THRB: variants seen among roughly 807,000 people sequenced by gnomAD.
THRB encodes the protein nuclear receptor subfamily 1 group A member 2.
In THRB, 12 loss-of-function variants were observed where a neutral mutation model predicts 47.8. The ratio of observed to expected loss-of-function variants is 0.25; its 90% CI spans 0.16 to 0.41. The LOEUF (loss-of-function observed/expected upper bound fraction) is 0.41. Ranked by LOEUF, THRB falls within the 10% of genes least tolerant of loss-of-function variation. The pLI, the probability that THRB is intolerant of heterozygous loss-of-function variation, is 1.00. For missense variants in THRB, 348 were observed against 589.2 expected, an observed-to-expected ratio of 0.59 and a Z score of 4.24; for synonymous variants, 218 against 212.2, an observed-to-expected ratio of 1.03 and a Z score of -0.24.
intron 3 of THRB, among the ~76,000 whole-genome samples, chr3:24,292,237 T>C (rs1338535491): frequency 6.6e-6 from 1 of 151,868 alleles, no homozygotes; most frequent in Non-Finnish European, 1.5e-5. Flanking sequence ...CTACAGGGAG[T>C]AGGGCTGGAA....
Position 24,180,467 on chromosome 3 carries a change from A to G in THRB, c.283+9607T>C, listed in dbSNP as rs150613709. On this transcript the variant is annotated intron_variant, in intron 5 of 10. Transcript: ENST00000646209. ...AAGGCAGTAAAGTTGAATAAAGTCAAGTCCCTTATATAAGCCCATACTGAC... is the reference window on the plus strand; with the variant it reads ...AAGGCAGTAAAGTTGAATAAAGTCAGGTCCCTTATATAAGCCCATACTGAC... Among the ~76,000 whole-genome samples, 13 of 152,352 alleles carry G rather than the reference A, an allele frequency of 8.5e-5. No homozygotes were observed. The East Asian group carries it at 2.5e-3, about 29-fold the overall frequency.
chr3:24,284,612 A>T (rs1041990701), intron 3 of THRB, among the ~76,000 whole-genome samples: 7 of 150,768 alleles, frequency 4.6e-5, no homozygotes, highest in South Asian at 4.1e-4. Flanking sequence ...GCTTCTGCAC[A>T]GCAAAAGAAA....
At chr3:24,215,362 C>T (rs1174326306) in intron 4 of THRB, among the ~76,000 whole-genome samples, 1 of 152,208 alleles carries the variant, frequency 6.6e-6, no homozygotes, top group East Asian at 1.9e-4. Flanking sequence ...CTCCAAGTCA[C>T]AAGGTTACTT....
intron 1 of THRB, chr3:24,457,989 T>C (rs2073347311): frequency 6.6e-6 from 1 of 152,146 alleles, no homozygotes; most frequent in African/African-American, 2.4e-5. Flanking sequence ...GGGCATCTTG[T>C]TAAATGAAGA....
In THRB at chr3:24,190,195, C is replaced by T. The variant is rs79220627; in HGVS notation, c.162G>A (p.Ser54=). The T allele has an allele frequency of 2.4e-4, 387 of 1,614,074 alleles. No individual in the cohort carries two copies. The East Asian group carries it at 3.1e-3, about 13-fold the overall frequency. ...AAGTGGTCTGGATGAGATGTGGCGA[C>T]GACTGTTCATTTTTCAACGTGCTGC... ...ERRSTLKNEQ[S]SPHLIQTTWT... Residue 54 remains serine, a synonymous_variant, in exon 5 of 11, where the codon TCG becomes TCA. Transcript: ENST00000646209.
rs551336117 is a variant in THRB at position 24,400,528 on chromosome 3, A to AT, written c.-260-63158_-260-63157insA. Among the ~76,000 whole-genome samples, 52 of 152,162 alleles carry AT rather than the reference A, an allele frequency of 3.4e-4. No individual in the cohort carries two copies. The South Asian group carries it at 5.8e-3, about 17-fold the overall frequency. On this transcript the variant is annotated intron_variant, in intron 1 of 10. Transcript: ENST00000646209. Reference sequence around the variant, plus strand: ...GCAAAAGCTTATGAAAAACACTCAAAAAGAGTTCAAGGTAGACTGGCAATA... The same window carrying AT: ...GCAAAAGCTTATGAAAAACACTCAAATAAGAGTTCAAGGTAGACTGGCAATA...
At chr3:24,417,152 A>C (rs1292965099) in intron 1 of THRB, among the ~76,000 whole-genome samples, 1 of 149,288 alleles carries the variant, frequency 6.7e-6, no homozygotes, top group Non-Finnish European at 1.5e-5. Context: ...GCAACGCGTT[A>C]TGACTGCTTT....
chr3:24,280,362 C>G (rs2054430053), intron 3 of THRB, among the ~76,000 whole-genome samples: 2 of 152,144 alleles, frequency 1.3e-5, no homozygotes, highest in Non-Finnish European at 2.9e-5. Flanking sequence ...TCCAACAGAC[C>G]TGCAGCTGAG....
intron 1 of THRB, among the ~76,000 whole-genome samples, chr3:24,411,605 C>T (rs369897159): frequency 1.1e-4 from 16 of 151,792 alleles, no homozygotes; most frequent in South Asian, 2.1e-4. Context: ...AAATTTATTA[C>T]GCTACATGCT....
chr3:24,428,566 G>A (rs908445664), intron 1 of THRB, among the ~76,000 whole-genome samples: 2 of 152,018 alleles, frequency 1.3e-5, no homozygotes, highest in Non-Finnish European at 2.9e-5. Context: ...AGCCCAATTT[G>A]TTTGTCAGCA....
At chr3:24,481,881 GC>G (rs1340357730) in intron 1 of THRB, among the ~76,000 whole-genome samples, 1 of 151,606 alleles carries the variant, frequency 6.6e-6, no homozygotes, top group Non-Finnish European at 1.5e-5. Context: ...TCCTGAGCAG[GC>G]TGGAATCCTG....
intron 10 of THRB, among the ~76,000 whole-genome samples, chr3:24,123,594 A>C (rs996996371): frequency 1.3e-5 from 2 of 152,210 alleles, no homozygotes; most frequent in Non-Finnish European, 2.9e-5. Context: ...GGAACGCGGA[A>C]TAGTAAGACA....
At chr3:24,251,492 T>C (rs891050313) in intron 3 of THRB, among the ~76,000 whole-genome samples, 2 of 151,872 alleles carry the variant, frequency 1.3e-5, no homozygotes, top group African/African-American at 4.8e-5. Context: ...TTCACAAAAT[T>C]AGGAAAAAGA....
At chr3:24,231,771 A>T (rs761348972) in intron 3 of THRB, among the ~76,000 whole-genome samples, 5 of 152,152 alleles carry the variant, frequency 3.3e-5, no homozygotes, top group African/African-American at 4.8e-5. Flanking sequence ...TGTACTGAGG[A>T]GGGGAATCCC....
chr3:24,443,760 A>T lies in THRB; in HGVS notation c.-261+50892T>A, dbSNP rs576303347. On this transcript the variant is annotated intron_variant, in intron 1 of 10. Coordinates refer to ENST00000646209, the MANE Select transcript of THRB (RefSeq NM_001354712.2). ...CCATATCAAGTCTGGTGTTAAACACATTATAAATAATTCTTACTGGATACT... is the reference window on the plus strand; with the variant it reads ...CCATATCAAGTCTGGTGTTAAACACTTTATAAATAATTCTTACTGGATACT... Among the ~76,000 whole-genome samples, 121 of 152,346 alleles carry T rather than the reference A, an allele frequency of 7.9e-4. 1 individual carries two copies. The highest frequency in any genetic ancestry group is 2.8e-3 in the African/African-American group (117 of 41,594).
intron 4 of THRB, among the ~76,000 whole-genome samples, chr3:24,226,756 C>A (rs1236149311): frequency 6.6e-6 from 1 of 152,180 alleles, no homozygotes; most frequent in Non-Finnish European, 1.5e-5. Context: ...GGCTCTAGAA[C>A]AAGGGTCCAC....
intron 1 of THRB, among the ~76,000 whole-genome samples, chr3:24,386,521 G>A (rs2066118330): frequency 6.6e-6 from 1 of 151,992 alleles, no homozygotes; most frequent in African/African-American, 2.4e-5. Context: ...GGAAACTACG[G>A]TCTAACTTTC....
At chr3:24,347,845 C>T (rs2063120153) in intron 1 of THRB, among the ~76,000 whole-genome samples, 1 of 152,052 alleles carries the variant, frequency 6.6e-6, no homozygotes, top group Non-Finnish European at 1.5e-5. Context: ...AATCTACTCA[C>T]ACAGTATTCT....
At chr3:24,315,159 C>A (rs766822690) in intron 2 of THRB, among the ~76,000 whole-genome samples, 1 of 152,192 alleles carries the variant, frequency 6.6e-6, no homozygotes, top group Non-Finnish European at 1.5e-5. Context: ...GAAGCCCATG[C>A]CCTGATGGAC....
Sources: gnomAD v4.1 joint callset for allele counts (sites outside exome capture counted in the v4.1 genomes callset) on GRCh38, gnomAD v4.1.1 for gene constraint, MANE v1.5 for transcripts, NCBI Gene and HGNC (gene_info 2026-07-23, HGNC 2026-07-21) for gene names.